Variants in PLCB1 observed in about 807,000 individuals in gnomAD.
PLCB1 encodes the protein 1-phosphatidylinositol 4,5-bisphosphate phosphodiesterase beta-1.
PLCB1 carries 46 observed loss-of-function variants against 161.8 expected under a neutral mutation model. That is an observed-to-expected ratio of 0.28 (90% CI 0.22 to 0.36). PLCB1 has a LOEUF of 0.36. Ranked by LOEUF, PLCB1 falls within the 10% of genes least tolerant of loss-of-function variation. The pLI, the probability that PLCB1 is intolerant of heterozygous loss-of-function variation, is 1.00. For synonymous variants in PLCB1, 517 were observed against 503.7 expected, an observed-to-expected ratio of 1.03 and a Z score of -0.35; for missense variants, 1,016 against 1,472.5, an observed-to-expected ratio of 0.69 and a Z score of 5.07.
intron 9 of PLCB1, among the ~76,000 whole-genome samples, chr20:8,681,027 CACAT>C (rs1288998823): frequency 6.9e-6 from 1 of 144,604 alleles, no homozygotes; most frequent in Non-Finnish European, 1.5e-5. Flanking sequence ...CACATACAAA[CACAT>C]ACATATATTT....
chr20:8,521,782 A>T (rs1243522732), intron 3 of PLCB1, among the ~76,000 whole-genome samples: 1 of 152,236 alleles, frequency 6.6e-6, no homozygotes, highest in African/African-American at 2.4e-5. Flanking sequence ...GCATTCTAAA[A>T]GTTCACCTCT....
intron 1 of PLCB1, among the ~76,000 whole-genome samples, chr20:8,140,339 G>A (rs547812578): frequency 6.6e-6 from 1 of 152,198 alleles, no homozygotes; most frequent in East Asian, 1.9e-4. Flanking sequence ...TCTGTTTCTC[G>A]CACCAAATCC....
Position 8,132,605 on chromosome 20 carries a change from G to T in PLCB1, c.-47G>T. 7.1e-7 allele frequency: 1 copy of T among 1,400,386 alleles called. No homozygotes were observed. Among genetic ancestry groups the T allele is most frequent in the Non-Finnish European group, 9.9e-7 (1 of 1,013,916 alleles). 86.7% of individuals were successfully genotyped at this position (1,400,386 alleles called of 1,614,324 possible). On this transcript the variant is annotated 5_prime_UTR_variant, in exon 1 of 32. Coordinates refer to ENST00000338037, the MANE Select transcript of PLCB1 (RefSeq NM_015192.4). This position sits in a 1 kb window ranked among gnomAD's most constrained non-coding sequence, Gnocchi z 5.2. Reference sequence around the variant, plus strand: ...CCCCGCGCCCCGCGCACGGTCCCCAGTCCCTGCCGCGCTCGCCCGGGCCGC... The same window carrying T: ...CCCCGCGCCCCGCGCACGGTCCCCATTCCCTGCCGCGCTCGCCCGGGCCGC...
rs1447794815 is a variant in PLCB1 at position 8,309,221 on chromosome 20, T to A, written c.178-62161T>A. 2.6e-5 allele frequency among the ~76,000 whole-genome samples: 4 copies of A among 152,192 alleles called. No homozygotes were observed. In the East Asian group the frequency reaches 7.7e-4, roughly 29 times the overall value. ...GAGACACTTGGATAAGAGAAGGACT[T>A]CTGTGAACAAGGGGGTATGCTTTTC... is the stretch of plus-strand genomic sequence containing the variant. On this transcript the variant is annotated intron_variant, in intron 2 of 31. Transcript: ENST00000338037.
chr20:8,239,445 T>C (rs1366717506), intron 2 of PLCB1, among the ~76,000 whole-genome samples: 1 of 151,996 alleles, frequency 6.6e-6, no homozygotes, highest in Non-Finnish European at 1.5e-5. Flanking sequence ...TTAGTGATGT[T>C]TGCAAATAAG....
At chr20:8,608,617 G>A (rs1406068812) in intron 3 of PLCB1, among the ~76,000 whole-genome samples, 1 of 152,084 alleles carries the variant, frequency 6.6e-6, no homozygotes, top group African/African-American at 2.4e-5. Context: ...GATTTATAGG[G>A]TATTTTCCTG....
At chr20:8,502,234 A>G (rs1260192510) in intron 3 of PLCB1, among the ~76,000 whole-genome samples, 1 of 152,116 alleles carries the variant, frequency 6.6e-6, no homozygotes, top group Non-Finnish European at 1.5e-5. Context: ...AAAAATATAT[A>G]TTCTTAAAGT....
chr20:8,535,977 T>C (rs1327175425), intron 3 of PLCB1, among the ~76,000 whole-genome samples: 1 of 151,784 alleles, frequency 6.6e-6, no homozygotes, highest in Admixed American at 6.6e-5. Flanking sequence ...ATTTTAATTT[T>C]ATTTTAATAT....
At chr20:8,661,734 T>C (rs1989628269) in intron 9 of PLCB1, among the ~76,000 whole-genome samples, 1 of 151,132 alleles carries the variant, frequency 6.6e-6, no homozygotes, top group South Asian at 2.1e-4. Context: ...TTATTAACAC[T>C]GTTTAAAGCA....
intron 3 of PLCB1, among the ~76,000 whole-genome samples, chr20:8,394,845 T>A (rs887510658): frequency 1.2e-4 from 19 of 152,146 alleles, no homozygotes; most frequent in Admixed American, 2.0e-4. Flanking sequence ...TGGCAAAGTT[T>A]TCACTTTTAA....
chr20:8,649,763 T>C, intron 7 of PLCB1: 1 of 358,914 alleles, frequency 2.8e-6, no homozygotes, highest in Non-Finnish European at 5.2e-6. Flanking sequence ...ACCTTGGACT[T>C]CCCAGCCTTT....
At chr20:8,661,585 T>A (rs762405200) in intron 9 of PLCB1, among the ~76,000 whole-genome samples, 4 of 151,994 alleles carry the variant, frequency 2.6e-5, no homozygotes, top group Non-Finnish European at 5.9e-5. Context: ...TACAAAGACC[T>A]TAGTAGGGTC....
intron 14 of PLCB1, among the ~76,000 whole-genome samples, chr20:8,719,365 C>T (rs1422030038): frequency 6.6e-6 from 1 of 152,122 alleles, no homozygotes; most frequent in Non-Finnish European, 1.5e-5. Context: ...ACAAGAATTG[C>T]TTAAAGCAGA....
intron 3 of PLCB1, among the ~76,000 whole-genome samples, chr20:8,556,659 GTGTGTGTGTGTGTGTGT>G (rs1568506601): frequency 0.064 from 515 of 8,012 alleles, 1 homozygote; most frequent in African/African-American, 0.2. Context: ...AGGGTTGGGT[GTGTGTGTGTGTGTGTGT>G]GTGTGTGTGT....
At chr20:8,301,404 C>A (rs1983906668) in intron 2 of PLCB1, among the ~76,000 whole-genome samples, 1 of 152,184 alleles carries the variant, frequency 6.6e-6, no homozygotes, top group Non-Finnish European at 1.5e-5. Context: ...ATCCATAATA[C>A]TTTCTTTTTC....
chr20:8,781,528 T>C (rs1269743700), intron 27 of PLCB1, among the ~76,000 whole-genome samples: 1 of 152,176 alleles, frequency 6.6e-6, no homozygotes, highest in Non-Finnish European at 1.5e-5. Flanking sequence ...TCATGCTTTT[T>C]AACGCTTTTT....
At chr20:8,496,648 G>T (rs1021736480) in intron 3 of PLCB1, among the ~76,000 whole-genome samples, 1 of 152,138 alleles carries the variant, frequency 6.6e-6, no homozygotes, top group African/African-American at 2.4e-5. Flanking sequence ...TCTTCCCAGG[G>T]TGCTTTTTTG....
intron 2 of PLCB1, among the ~76,000 whole-genome samples, chr20:8,332,520 T>G (rs1298252115): frequency 6.6e-6 from 1 of 152,258 alleles, no homozygotes; most frequent in Non-Finnish European, 1.5e-5. Flanking sequence ...CTTTCCATGT[T>G]GCATCTCATT....
chr20:8,498,013 T>G (rs1983246649), intron 3 of PLCB1, among the ~76,000 whole-genome samples: 1 of 152,250 alleles, frequency 6.6e-6, no homozygotes, highest in African/African-American at 2.4e-5. Context: ...GGTCATTATT[T>G]ATCTTTTAAT....
Sources: gnomAD v4.1 joint callset for allele counts (sites outside exome capture counted in the v4.1 genomes callset) on GRCh38, gnomAD v4.1.1 for gene constraint, Gnocchi (gnomAD v3.1) non-coding constraint, MANE v1.5 for transcripts, NCBI Gene and HGNC (gene_info 2026-07-23, HGNC 2026-07-21) for gene names.